The following LRRC4C variants were observed in gnomAD, a reference collection of about 807,000 sequenced individuals.
LRRC4C encodes leucine rich repeat containing 4C, also known as leucine-rich repeat-containing protein 4C.
A neutral mutation model predicts 33.6 loss-of-function variants in LRRC4C; 5 were observed. The observed-to-expected ratio is 0.15, with a 90% CI of 0.08 to 0.31. The LOEUF (loss-of-function observed/expected upper bound fraction) is 0.31. Among genes scored for constraint, LRRC4C ranks in the 10% least tolerant of loss-of-function variants. LRRC4C has a pLI of 1.00. For synonymous variants in LRRC4C, 329 were observed against 302.0 expected (o/e 1.09, Z -0.93); for missense variants, 560 against 796.7 (o/e 0.70, Z 3.58).
chr11:40,371,905 G>T (rs910031831), intron 3 of LRRC4C, among the ~76,000 whole-genome samples: 2 of 152,126 alleles, frequency 1.3e-5, no homozygotes, highest in Non-Finnish European at 2.9e-5. Flanking sequence ...AAACAATTAG[G>T]TATGTAGGTA....
intron 1 of LRRC4C, among the ~76,000 whole-genome samples, chr11:41,407,226 T>G (rs1357228072): frequency 6.6e-6 from 1 of 152,086 alleles, no homozygotes; most frequent in Non-Finnish European, 1.5e-5. Flanking sequence ...GCAACTTGTT[T>G]TAAAGGTCAC....
At chr11:41,391,042 T>C (rs11036379) in intron 1 of LRRC4C, among the ~76,000 whole-genome samples, 3,843 of 149,256 alleles carry the variant, frequency 0.026, 163 homozygotes, top group African/African-American at 0.088. Flanking sequence ...TGTGAAAGGG[T>C]AAAGGTAAAA....
At chr11:40,454,346 G>A (rs928053731) in intron 3 of LRRC4C, among the ~76,000 whole-genome samples, 3 of 151,816 alleles carry the variant, frequency 2.0e-5, no homozygotes, top group Non-Finnish European at 4.4e-5. Flanking sequence ...TCAAATATGA[G>A]AGCTATAGAA....
At chr11:40,199,443 A>G (rs1862529179) in intron 5 of LRRC4C, among the ~76,000 whole-genome samples, 1 of 152,188 alleles carries the variant, frequency 6.6e-6, no homozygotes, top group African/African-American at 2.4e-5. Context: ...GTGGGTCTTT[A>G]TAACAATAAG....
intron 2 of LRRC4C, among the ~76,000 whole-genome samples, chr11:40,753,082 A>G (rs1948776418): frequency 6.6e-6 from 1 of 151,810 alleles, no homozygotes; most frequent in Non-Finnish European, 1.5e-5. Flanking sequence ...TATTTTTTTG[A>G]GACGGAGTTG....
At chr11:40,430,087 AG>A (rs1298077452) in intron 3 of LRRC4C, among the ~76,000 whole-genome samples, 1 of 152,220 alleles carries the variant, frequency 6.6e-6, no homozygotes, top group Non-Finnish European at 1.5e-5. Context: ...GCCAAAAAGC[AG>A]AGCTTGGTAT....
intron 3 of LRRC4C, among the ~76,000 whole-genome samples, chr11:40,626,802 T>A (rs1309186065): frequency 2.6e-5 from 4 of 152,192 alleles, no homozygotes; most frequent in Non-Finnish European, 5.9e-5. Context: ...TCACTTTCCA[T>A]CTAAGTCTCC....
intron 5 of LRRC4C, among the ~76,000 whole-genome samples, chr11:40,145,657 T>C (rs1857678775): frequency 6.6e-6 from 1 of 152,190 alleles, no homozygotes; most frequent in Non-Finnish European, 1.5e-5. Context: ...ATTTGTACAT[T>C]ACAGAAAGAT....
chr11:40,925,930 G>A (rs990102604), intron 2 of LRRC4C, among the ~76,000 whole-genome samples: 2 of 151,928 alleles, frequency 1.3e-5, no homozygotes, highest in African/African-American at 4.8e-5. Context: ...TCTATAACAT[G>A]GTATATGGTC....
intron 1 of LRRC4C, among the ~76,000 whole-genome samples, chr11:41,061,235 A>AG (rs1330889480): frequency 9.2e-5 from 14 of 152,158 alleles, no homozygotes; most frequent in Non-Finnish European, 1.0e-4. Flanking sequence ...GAGGGAGGAA[A>AG]GAATAGGAAT....
At chr11:41,442,555 C>T (rs1459943695) in intron 1 of LRRC4C, among the ~76,000 whole-genome samples, 4 of 142,524 alleles carry the variant, frequency 2.8e-5, no homozygotes, top group African/African-American at 5.3e-5. Context: ...CTGCAAGCTC[C>T]GCCTCCTGGG....
intron 1 of LRRC4C, among the ~76,000 whole-genome samples, chr11:41,434,099 A>C (rs1955339389): frequency 6.6e-6 from 1 of 152,088 alleles, no homozygotes. Context: ...TACCCAAGTC[A>C]TGGTCCATAG....
At chr11:40,248,100 A>G (rs1415924732) in intron 4 of LRRC4C, among the ~76,000 whole-genome samples, 4 of 152,106 alleles carry the variant, frequency 2.6e-5, no homozygotes, top group Non-Finnish European at 4.4e-5. Flanking sequence ...ACACTTTCTT[A>G]TCTTTGCTCC....
At chr11:41,455,729 A>C (rs1317141663) in intron 1 of LRRC4C, among the ~76,000 whole-genome samples, 1 of 152,154 alleles carries the variant, frequency 6.6e-6, no homozygotes, top group Non-Finnish European at 1.5e-5. Context: ...TTTTTTCTAC[A>C]ATATTTCATC....
At chr11:41,349,105 C>G (rs1322084671) in intron 1 of LRRC4C, among the ~76,000 whole-genome samples, 1 of 152,156 alleles carries the variant, frequency 6.6e-6, no homozygotes, top group African/African-American at 2.4e-5. Context: ...CATCTGCCAG[C>G]TTTTCCCAGC....
Position 40,698,679 on chromosome 11 carries a change from TACCCAAG to T in LRRC4C, c.-406-50408_-406-50402del, listed in dbSNP as rs1945702369. Reference sequence around the variant, plus strand: ...CATTTTCTTGCTGCTGATAAAGACATACCCAAGACTGGGCAATGTATGAAGAAAAAGA... The same window carrying T: ...CATTTTCTTGCTGCTGATAAAGACATACTGGGCAATGTATGAAGAAAAAGA... On this transcript the variant is annotated intron_variant, in intron 2 of 6. Transcript: ENST00000528697. Among the ~76,000 whole-genome samples, 3 of 152,120 alleles carry T rather than the reference TACCCAAG, an allele frequency of 2.0e-5. No homozygotes were observed. In the South Asian group the frequency reaches 6.2e-4, roughly 31 times the overall value.
At chr11:41,299,284 G>A (rs1172434355) in intron 1 of LRRC4C, among the ~76,000 whole-genome samples, 3 of 152,040 alleles carry the variant, frequency 2.0e-5, no homozygotes, top group African/African-American at 7.2e-5. Flanking sequence ...CAACAGATTA[G>A]GAGAAAGGTA....
Position 40,430,953 on chromosome 11 carries a change from G to A in LRRC4C, c.-269-111232C>T, listed in dbSNP as rs1476982766. 3.3e-4 allele frequency among the ~76,000 whole-genome samples: 34 copies of A among 104,082 alleles called. 1 individual carries two copies. Among genetic ancestry groups the A allele is most frequent in the African/African-American group, 6.9e-4 (19 of 27,364 alleles). 68.3% of individuals were successfully genotyped at this position (104,082 alleles called of 152,430 possible). On this transcript the variant is annotated intron_variant, in intron 3 of 6. Coordinates refer to ENST00000528697, the MANE Select transcript of LRRC4C (RefSeq NM_001258419.2). ...CACACTCTGGGGACCGTGGTGGGGT[G>A]GGGGGAGGGGGGAGGGATAGCATTG...
intron 2 of LRRC4C, among the ~76,000 whole-genome samples, chr11:40,827,637 G>C (rs1215041102): frequency 6.6e-6 from 1 of 151,666 alleles, no homozygotes; most frequent in Non-Finnish European, 1.5e-5. Context: ...TGAATGTTCA[G>C]TCTGTAGATG....
Sources: allele counts gnomAD v4.1 joint callset (sites outside exome capture counted in the v4.1 genomes callset), GRCh38; gene constraint gnomAD v4.1.1; transcripts MANE v1.5; gene names NCBI Gene and HGNC (gene_info 2026-07-23, HGNC 2026-07-21).